The following GDAP2 variants were observed in gnomAD, a reference collection of about 807,000 sequenced individuals.
The protein encoded by GDAP2 is ganglioside induced differentiation associated protein 2, also known as ganglioside-induced differentiation-associated protein 2.
GDAP2 carries 51 observed loss-of-function variants against 67.0 expected under a neutral mutation model. That is an observed-to-expected ratio of 0.76 (90% CI 0.61 to 0.96). The LOEUF is 0.96. GDAP2 is among the 40% of genes least tolerant of loss of function. GDAP2 has a pLI of 0.00. For missense variants in GDAP2, 547 were observed against 588.3 expected (o/e 0.93, Z 0.73); for synonymous variants, 203 against 207.3 (o/e 0.98, Z 0.18).
At chr1:117,886,538 T>C (rs776924571) in intron 10 of GDAP2, 39 bp downstream of exon 10, 6 of 1,052,832 alleles carry the variant, frequency 5.7e-6, no homozygotes, top group South Asian at 1.3e-5. Flanking sequence ...ATTTTTTCAA[T>C]CAACATTGTT....
At chr1:117,905,568 A>G (rs1281375003) in intron 6 of GDAP2, among the ~76,000 whole-genome samples, 2 of 152,222 alleles carry the variant, frequency 1.3e-5, no homozygotes, top group Middle Eastern at 3.4e-3. Flanking sequence ...CCATTAATGC[A>G]CTTATCACAA....
intron 13 of GDAP2, among the ~76,000 whole-genome samples, chr1:117,871,433 A>C (rs1212876241): frequency 1.3e-5 from 2 of 152,216 alleles, no homozygotes; most frequent in Non-Finnish European, 1.5e-5. Flanking sequence ...TTCTTTGACA[A>C]AGAATTTGTT....
At position 117,870,756 on chromosome 1, in the gene GDAP2, A is replaced by T. The variant is rs537539921; in HGVS notation, c.1447-140T>A. 1.0e-4 allele frequency: 72 copies of T among 695,360 alleles called. 1 individual carries two copies. The highest frequency in any genetic ancestry group is 9.2e-4 in the Middle Eastern group (3 of 3,258). The allele number at this position is 695,360 out of a possible 1,614,324, so 43.1% of individuals were successfully genotyped here. A position where few individuals can be genotyped will look rare whatever the true frequency, so the allele number is the denominator to read the frequency against. On this transcript the variant is annotated intron_variant, in intron 13 of 13. Coordinates refer to ENST00000369443, the MANE Select transcript of GDAP2 (RefSeq NM_017686.4). ...TCTGGCACTAAGCAGGCCCTCAGCC[A>T]TTAGGTAGTTCAACTAGTATCACTC...
intron 8 of GDAP2, among the ~76,000 whole-genome samples, chr1:117,890,327 T>C (rs942284954): frequency 2.6e-5 from 4 of 152,132 alleles, no homozygotes; most frequent in Non-Finnish European, 5.9e-5. Context: ...CTATTTCTAT[T>C]ACATTAGACC....
intron 10 of GDAP2, among the ~76,000 whole-genome samples, chr1:117,884,813 C>T (rs990928857): frequency 6.8e-6 from 1 of 147,862 alleles, no homozygotes; most frequent in Non-Finnish European, 1.5e-5. Flanking sequence ...TTATTCCCTC[C>T]GTGTGTGTGT....
In GDAP2 at chr1:117,912,538, T is replaced by C. The variant is rs370923029; in HGVS notation, c.462A>G (p.Gln154=). ...SLYSCYRNVL[Q]LAKEQSMSSV... Reference sequence around the variant, plus strand: ...AAATGAGTAGACCATACTTTGCTAGTTGAAGTACGTTTCTGTAGCAGCTAT... The same window carrying C: ...AAATGAGTAGACCATACTTTGCTAGCTGAAGTACGTTTCTGTAGCAGCTAT... Residue 154 remains glutamine (Q), a synonymous_variant, in exon 4 of 14, where the codon CAA becomes CAG. Coordinates refer to ENST00000369443, the MANE Select transcript of GDAP2 (RefSeq NM_017686.4). The C allele has an allele frequency of 3.7e-6, 6 of 1,613,052 alleles. No homozygotes were observed. The African/African-American group carries it at 4.0e-5, about 11-fold the overall frequency.
intron 8 of GDAP2, among the ~76,000 whole-genome samples, chr1:117,894,060 T>C (rs1024269116): frequency 6.6e-6 from 1 of 152,084 alleles, no homozygotes; most frequent in Non-Finnish European, 1.5e-5. Context: ...TACTGTAATA[T>C]CACATAGTGA....
At chr1:117,881,662 C>T (rs111755657) in intron 12 of GDAP2, among the ~76,000 whole-genome samples, 161 bp downstream of exon 12, 8 of 152,266 alleles carry the variant, frequency 5.3e-5, no homozygotes, top group Non-Finnish European at 7.4e-5. Context: ...GAGTCACATA[C>T]AACCAAAACA....
At chr1:117,899,377 A>G (rs1415888446) in intron 6 of GDAP2, among the ~76,000 whole-genome samples, 161 bp from the exon 7 acceptor site, 2 of 152,166 alleles carry the variant, frequency 1.3e-5, no homozygotes, top group Non-Finnish European at 2.9e-5. Flanking sequence ...ACCCTCAATC[A>G]GCTTTTGTGT....
chr1:117,907,124 T>A (rs1649684052), intron 5 of GDAP2, among the ~76,000 whole-genome samples: 1 of 152,196 alleles, frequency 6.6e-6, no homozygotes, highest in Non-Finnish European at 1.5e-5. Context: ...AATTTCTATG[T>A]CATCCTAATT....
rs1412216416 is a variant in GDAP2, at chr1:117,863,570, A to C, written c.*6999T>G. On this transcript the variant is annotated 3_prime_UTR_variant, in exon 14 of 14. Transcript: ENST00000369443. ...TATTTCACATCAATTTGAAATCAGC[A>C]CATCATACAATTTTTAAAAGGAAAT... The C allele has an allele frequency of 6.6e-6, 1 of 152,236 alleles. No individual in the cohort carries two copies. The highest frequency in any genetic ancestry group is 1.9e-4 in the East Asian group (1 of 5,202). The allele number at this position is 152,236 out of a possible 1,614,324, so 9.4% of individuals were successfully genotyped here.
At chr1:117,884,920 C>G (rs1029247752) in intron 10 of GDAP2, among the ~76,000 whole-genome samples, 2 of 151,776 alleles carry the variant, frequency 1.3e-5, no homozygotes, top group East Asian at 1.9e-4. Context: ...TTTGGGAGAT[C>G]TTGCAACCTC....
intron 8 of GDAP2, among the ~76,000 whole-genome samples, chr1:117,889,618 T>C (rs760782312): frequency 2.0e-5 from 3 of 152,094 alleles, no homozygotes; most frequent in Non-Finnish European, 4.4e-5. Context: ...CTTATATCTT[T>C]AGTATGAAGG....
At chr1:117,927,400 G>T (rs559071204) in intron 1 of GDAP2, among the ~76,000 whole-genome samples, 5 of 152,024 alleles carry the variant, frequency 3.3e-5, no homozygotes, top group African/African-American at 9.7e-5. Context: ...GAAAGAAAAT[G>T]ATATCATTTA....
chr1:117,912,771 G>A, intron 3 of GDAP2, 88 bp from the exon 4 acceptor site: 1 of 1,100,836 alleles, frequency 9.1e-7, no homozygotes. Flanking sequence ...AGAAAGTATT[G>A]AGAACTTTGA....
intron 3 of GDAP2, among the ~76,000 whole-genome samples, chr1:117,913,177 G>A (rs1414716260): frequency 6.6e-6 from 1 of 152,076 alleles, no homozygotes; most frequent in African/African-American, 2.4e-5. Context: ...TACTTCACAG[G>A]ATTAAACGAG....
At chr1:117,873,736 A>T in intron 13 of GDAP2, among the ~76,000 whole-genome samples, 1 of 152,112 alleles carries the variant, frequency 6.6e-6, no homozygotes, top group East Asian at 1.9e-4. Context: ...TGGTAGCAAC[A>T]TATCCACCAA....
intron 13 of GDAP2, 146 bp from the exon 14 acceptor site, chr1:117,870,762 T>C (rs1157500861): frequency 5.8e-6 from 4 of 686,128 alleles, no homozygotes; most frequent in African/African-American, 5.4e-5. Context: ...AGCCATTAGG[T>C]AGTTCAACTA....
chr1:117,909,973 G>T (rs918044035), intron 5 of GDAP2, among the ~76,000 whole-genome samples: 1 of 152,112 alleles, frequency 6.6e-6, no homozygotes, highest in Non-Finnish European at 1.5e-5. Flanking sequence ...TATAAAAGAA[G>T]CTATGAGATG....
Sources: gnomAD v4.1 joint callset for allele counts (sites outside exome capture counted in the v4.1 genomes callset) on GRCh38, gnomAD v4.1.1 for gene constraint, MANE v1.5 for transcripts, NCBI Gene and HGNC (gene_info 2026-07-23, HGNC 2026-07-21) for gene names.